The following PTPRN2 variants were observed in gnomAD, a reference collection of about 807,000 sequenced individuals.
PTPRN2 encodes the protein protein tyrosine phosphatase receptor type N2.
PTPRN2 carries 74 observed loss-of-function variants against 118.8 expected under a neutral mutation model. The observed-to-expected ratio is 0.62, with a 90% CI of 0.52 to 0.76. The LOEUF (loss-of-function observed/expected upper bound fraction) is 0.76. Among genes scored for constraint, PTPRN2 ranks in the 30% least tolerant of loss-of-function variants. PTPRN2 has a pLI of 0.00. For missense variants in PTPRN2, 1,481 were observed against 1,394.4 expected (o/e 1.06, Z -0.99); for synonymous variants, 641 against 608.0 (o/e 1.05, Z -0.80).
chr7:158,556,851 A>T lies in PTPRN2; in HGVS notation c.112+30707T>A, dbSNP rs957264847. 2.5e-4 allele frequency among the ~76,000 whole-genome samples: 36 copies of T among 145,592 alleles called. No homozygotes were observed. The Middle Eastern group carries it at 0.012, about 50-fold the overall frequency. On this transcript the variant is annotated intron_variant, in intron 1 of 22. Transcript: ENST00000389418. ...AGGTCAGGCAGCTCCCGCGCAGGTCAGACAGCTCCCGGGCAGGTCAGGCGG... is the reference window on the plus strand; with the variant it reads ...AGGTCAGGCAGCTCCCGCGCAGGTCTGACAGCTCCCGGGCAGGTCAGGCGG...
intron 11 of PTPRN2, among the ~76,000 whole-genome samples, chr7:158,013,742 CCCGCCCAT>C (rs1470015860): frequency 0.013 from 416 of 31,030 alleles, 28 homozygotes; most frequent in African/African-American, 0.056. Context: ...CATCCACCCA[CCCGCCCAT>C]CCATCCATCC....
At chr7:158,067,634 C>T (rs527621449) in intron 11 of PTPRN2, among the ~76,000 whole-genome samples, 7 of 152,194 alleles carry the variant, frequency 4.6e-5, no homozygotes, top group Non-Finnish European at 8.8e-5. Flanking sequence ...CTTTGTGGGT[C>T]GGGCAGTCCA....
At chr7:158,318,575 C>G (rs144327845) in intron 2 of PTPRN2, among the ~76,000 whole-genome samples, 2,881 of 152,318 alleles carry the variant, frequency 0.019, 101 homozygotes, top group African/African-American at 0.065. Context: ...GGCCGGCGGC[C>G]TCTTCCGATC....
chr7:157,590,314 C>T lies in PTPRN2; in HGVS notation c.2496+4924G>A, dbSNP rs1389219268. ...AGGCCAGTTTACTACTTACTAGTAA[C>T]ACTGATTTCTGAACTGTAACTCAGA... On this transcript the variant is annotated intron_variant, in intron 17 of 22. Transcript: ENST00000389418. This position sits in a 1 kb window ranked among gnomAD's most constrained non-coding sequence, Gnocchi z 4.0. Among the ~76,000 whole-genome samples, 1 of 152,304 alleles carries T rather than the reference C, an allele frequency of 6.6e-6. No homozygotes were observed. Among genetic ancestry groups the T allele is most frequent in the Non-Finnish European group, 1.5e-5 (1 of 68,032 alleles).
At chr7:158,372,164 AC>A (rs1810051842) in intron 2 of PTPRN2, among the ~76,000 whole-genome samples, 1 of 151,482 alleles carries the variant, frequency 6.6e-6, no homozygotes, top group African/African-American at 2.4e-5. Flanking sequence ...TCACCTGCCC[AC>A]CCCGTGCTGG....
At chr7:158,287,155 C>T (rs13437854) in intron 3 of PTPRN2, among the ~76,000 whole-genome samples, 1,788 of 152,074 alleles carry the variant, frequency 0.012, 36 homozygotes, top group African/African-American at 0.041. Flanking sequence ...TCTCATGGTC[C>T]CTTACATTTC....
rs1172377441 is a variant in PTPRN2 at position 158,179,497 on chromosome 7, G to A, written c.550-12206C>T. 2.6e-5 allele frequency among the ~76,000 whole-genome samples: 4 copies of A among 151,992 alleles called. No individual in the cohort carries two copies. The South Asian group carries it at 8.3e-4, about 32-fold the overall frequency. ...ATATGAAGCTTTTCAGTTTAATTAG[G>A]TCCAATTTATTTTTGTTTTAGTTGC... is the stretch of plus-strand genomic sequence containing the variant. On this transcript the variant is annotated intron_variant, in intron 5 of 22. Coordinates refer to ENST00000389418, the MANE Select transcript of PTPRN2 (RefSeq NM_002847.5).
intron 12 of PTPRN2, among the ~76,000 whole-genome samples, chr7:157,894,933 C>T (rs969629498): frequency 8.5e-5 from 13 of 152,148 alleles, no homozygotes; most frequent in African/African-American, 3.1e-4. Flanking sequence ...ACACTGAGGG[C>T]AGAACTTCTT....
At chr7:157,918,747 G>A (rs561597205) in intron 11 of PTPRN2, among the ~76,000 whole-genome samples, 4 of 152,264 alleles carry the variant, frequency 2.6e-5, no homozygotes, top group East Asian at 3.9e-4. Flanking sequence ...TCCAGACAAC[G>A]ATATAGGGTT....
At chr7:158,068,471 T>TGCACTCGGCACCACCTTC (rs1810959354) in intron 11 of PTPRN2, among the ~76,000 whole-genome samples, 5 of 152,200 alleles carry the variant, frequency 3.3e-5, no homozygotes, top group African/African-American at 9.6e-5. Flanking sequence ...GCACCACCTT[T>TGCACTCGGCACCACCTTC]GCACTCAGCA....
At chr7:157,919,085 G>A (rs1449586983) in intron 11 of PTPRN2, among the ~76,000 whole-genome samples, 1 of 152,100 alleles carries the variant, frequency 6.6e-6, no homozygotes, top group Non-Finnish European at 1.5e-5. Context: ...CTCCCACAAG[G>A]GTCCTACAGC....
At chr7:158,089,377 C>T (rs1813800982) in intron 10 of PTPRN2, among the ~76,000 whole-genome samples, 1 of 41,628 alleles carries the variant, frequency 2.4e-5, no homozygotes, top group Admixed American at 2.6e-4. Context: ...AAACCTTCTT[C>T]CCCTGAGGAA....
intron 12 of PTPRN2, among the ~76,000 whole-genome samples, chr7:157,795,966 G>A (rs959531424): frequency 2.0e-5 from 3 of 152,252 alleles, no homozygotes; most frequent in Non-Finnish European, 4.4e-5. Context: ...GAGGGGGGCA[G>A]GCGCCGAGGC....
intron 6 of PTPRN2, among the ~76,000 whole-genome samples, chr7:158,147,372 A>G (rs796912715): frequency 0.096 from 802 of 8,378 alleles, 25 homozygotes; most frequent in Non-Finnish European, 0.11. Flanking sequence ...TTCCCCCTCA[A>G]TGACACCCCA....
At chr7:158,365,141 G>T (rs184518982) in intron 2 of PTPRN2, among the ~76,000 whole-genome samples, 1 of 152,156 alleles carries the variant, frequency 6.6e-6, no homozygotes, top group Non-Finnish European at 1.5e-5. Context: ...CCCCAGACTC[G>T]AAAGCGTTTC....
At chr7:157,549,322 CT>C (rs5888720) in intron 21 of PTPRN2, among the ~76,000 whole-genome samples, 60,982 of 139,374 alleles carry the variant, frequency 0.44, 12,735 homozygotes, top group Middle Eastern at 0.59. Context: ...TCTTTCTTTT[CT>C]TTTTTTTTTT....
At chr7:157,836,743 G>A (rs1445239543) in intron 12 of PTPRN2, among the ~76,000 whole-genome samples, 1 of 152,064 alleles carries the variant, frequency 6.6e-6, no homozygotes, top group Non-Finnish European at 1.5e-5. Flanking sequence ...AGATAATATA[G>A]AAGAGGTTTG....
At chr7:158,468,986 C>CACACACACTCCAGGTGGATCAACAGT (rs1563329860) in intron 2 of PTPRN2, among the ~76,000 whole-genome samples, 8 of 152,078 alleles carry the variant, frequency 5.3e-5, no homozygotes, top group Admixed American at 1.3e-4. Flanking sequence ...TATGCACACC[C>CACACACACTCCAGGTGGATCAACAGT]ATGCACACTC....
chr7:158,370,399 G>A (rs1181858645), intron 2 of PTPRN2, among the ~76,000 whole-genome samples: 1 of 152,062 alleles, frequency 6.6e-6, no homozygotes, highest in Non-Finnish European at 1.5e-5. Context: ...TTGTACCACT[G>A]CACTCCAGCC....
Sources: allele counts gnomAD v4.1 joint callset (sites outside exome capture counted in the v4.1 genomes callset), GRCh38; gene constraint gnomAD v4.1.1; non-coding constraint Gnocchi (gnomAD v3.1); transcripts MANE v1.5; gene names NCBI Gene and HGNC (gene_info 2026-07-23, HGNC 2026-07-21).